The following SPATA22 variants were observed in gnomAD, a reference collection of about 807,000 sequenced individuals.
SPATA22 encodes spermatogenesis-associated protein 22.
SPATA22 carries 29 observed loss-of-function variants against 47.8 expected under a neutral mutation model. The observed-to-expected ratio is 0.61, with a 90% confidence interval of 0.45 to 0.83. The LOEUF (loss-of-function observed/expected upper bound fraction) is 0.83. SPATA22 is among the 40% of genes least tolerant of loss of function. The pLI, the probability that SPATA22 is intolerant of heterozygous loss-of-function variation, is 0.00. For synonymous variants in SPATA22, 133 were observed against 140.9 expected, an observed-to-expected ratio of 0.94 and a Z score of 0.40; for missense variants, 410 against 421.7, an observed-to-expected ratio of 0.97 and a Z score of 0.24.
At chr17:3,491,151 T>C (rs2073817914) in intron 1 of SPATA22, among the ~76,000 whole-genome samples, 1 of 152,158 alleles carries the variant, frequency 6.6e-6, no homozygotes, top group East Asian at 1.9e-4. Flanking sequence ...AAGTGACAGG[T>C]CTCAGGAAGA....
At chr17:3,492,007 G>T (rs1292666796) in intron 1 of SPATA22, among the ~76,000 whole-genome samples, 1 of 150,348 alleles carries the variant, frequency 6.7e-6, no homozygotes, top group Non-Finnish European at 1.5e-5. Context: ...CTCCTGAGTT[G>T]CTGGGACTAC....
intron 5 of SPATA22, among the ~76,000 whole-genome samples, chr17:3,454,785 C>T (rs2072947177): frequency 6.6e-6 from 1 of 152,068 alleles, no homozygotes; most frequent in African/African-American, 2.4e-5. Flanking sequence ...TTTATAGCAG[C>T]ATGATTTATA....
In SPATA22 at chr17:3,440,281, C is replaced by G. The variant is rs746124520; in HGVS notation, c.958G>C (p.Asp320His). Residue 320 changes from aspartate (D) to histidine (H), a missense_variant, in exon 9 of 9, where the codon GAC (aspartate) becomes CAC (histidine). By Grantham distance (81) the Asp-to-His change is moderately conservative. Coordinates refer to ENST00000572969, the MANE Select transcript of SPATA22 (RefSeq NM_001170698.2). Reference protein sequence around the residue: ...GRVHRCVGNYDQKKNIFQCVS... With the variant: ...GRVHRCVGNYHQKKNIFQCVS... ...CATTGGAAAATGTTCTTTTTCTGGTCATAGTTGCCAACACATCTATGAACT... is the reference window on the plus strand; with the variant it reads ...CATTGGAAAATGTTCTTTTTCTGGTGATAGTTGCCAACACATCTATGAACT... 4 of 1,609,944 alleles carry G rather than the reference C, an allele frequency of 2.5e-6. No homozygotes were observed. In the South Asian group the frequency reaches 4.4e-5, roughly 18 times the overall value.
intron 1 of SPATA22, chr17:3,512,225 C>T (rs965318644): frequency 1.3e-5 from 2 of 152,302 alleles, no homozygotes; most frequent in African/African-American, 4.8e-5. Context: ...ATCTTCTCTT[C>T]TCCAGAGGCC....
At chr17:3,447,449 T>TTA (rs200408187) in intron 6 of SPATA22, among the ~76,000 whole-genome samples, 1 of 97,040 alleles carries the variant, frequency 1.0e-5, no homozygotes, top group Non-Finnish European at 2.8e-5. Flanking sequence ...ATGCCTCCTG[T>TTA]TGATGATGGC....
chr17:3,464,923 C>T lies in SPATA22; in HGVS notation c.173-2156G>A, dbSNP rs2073250523. ...TCAGCCCCCCACCCGGCCAGCCGCCCGGTCTGGGAGGTGAGGGGCGCCTCT... is the reference window on the plus strand; with the variant it reads ...TCAGCCCCCCACCCGGCCAGCCGCCTGGTCTGGGAGGTGAGGGGCGCCTCT... On this transcript the variant is annotated intron_variant, in intron 3 of 8. Coordinates refer to ENST00000572969, the MANE Select transcript of SPATA22 (RefSeq NM_001170698.2). Among the ~76,000 whole-genome samples the T allele has an allele frequency of 3.0e-5, 3 of 101,248 alleles. 1 individual carries two copies. The highest frequency in any genetic ancestry group is 8.9e-5 in the African/African-American group (3 of 33,848). The allele number at this position is 101,248 out of a possible 152,430, so 66.4% of individuals were successfully genotyped here. A position where few individuals can be genotyped will look rare whatever the true frequency, so the allele number is the denominator to read the frequency against.
intron 1 of SPATA22, among the ~76,000 whole-genome samples, chr17:3,505,992 A>G (rs571565796): frequency 6.6e-6 from 1 of 152,238 alleles, no homozygotes; most frequent in South Asian, 2.1e-4. Context: ...TCCTGACCTC[A>G]GGTGATCCGC....
chr17:3,473,121 A>C (rs954258721), upstream of SPATA22, among the ~76,000 whole-genome samples: 4 of 151,800 alleles, frequency 2.6e-5, no homozygotes, highest in South Asian at 2.1e-4. Context: ...AAAAAAAAAA[A>C]AAAAAACCAC....
At chr17:3,454,286 ATTTATTTATTTATTTTTAT>A (rs1316867747) in intron 5 of SPATA22, among the ~76,000 whole-genome samples, 1 of 147,046 alleles carries the variant, frequency 6.8e-6, no homozygotes, top group East Asian at 1.9e-4. Flanking sequence ...TTTTTGTTTT[ATTTATTTATTTATTTTTAT>A]TATTATTATT....
chr17:3,475,453 C>A (rs1597421348), upstream of SPATA22: 1 of 152,264 alleles, frequency 6.6e-6, no homozygotes, highest in African/African-American at 2.4e-5. Context: ...TAAGTTAACA[C>A]AGAATTACCA....
At chr17:3,446,638 A>G in intron 6 of SPATA22, 37 bp from the exon 7 acceptor site, 1 of 1,446,008 alleles carries the variant, frequency 6.9e-7, no homozygotes, top group Non-Finnish European at 9.3e-7. Flanking sequence ...TTAGAAAAAT[A>G]TTTGTTTTTT....
chr17:3,497,616 A>G (rs1159654340), intron 1 of SPATA22, among the ~76,000 whole-genome samples: 1 of 152,178 alleles, frequency 6.6e-6, no homozygotes, highest in Non-Finnish European at 1.5e-5. Flanking sequence ...ACCTGTATAT[A>G]TGTATTTAAC....
intron 5 of SPATA22, among the ~76,000 whole-genome samples, chr17:3,450,766 A>G (rs951789907): frequency 6.6e-6 from 1 of 152,232 alleles, no homozygotes; most frequent in African/African-American, 2.4e-5. Context: ...TGTTCAGCAC[A>G]TTTGTAGTAA....
At chr17:3,449,197 T>C in intron 5 of SPATA22, 48 bp from the exon 6 acceptor site, 1 of 1,344,016 alleles carries the variant, frequency 7.4e-7, no homozygotes, top group Non-Finnish European at 1.0e-6. Flanking sequence ...GGTTTCTTAA[T>C]TACAAAAAAA....
chr17:3,462,709 G>A lies in SPATA22; in HGVS notation c.231C>T (p.Thr77=), dbSNP rs755124409. The A allele has an allele frequency of 3.8e-5, 61 of 1,611,258 alleles. No homozygotes were observed. The highest frequency in any genetic ancestry group is 1.6e-4 in the Middle Eastern group (1 of 6,078). The change falls in exon 4 of 9, where the codon ACC becomes ACT. Residue 77 remains threonine (T), a splice_region_variant and synonymous_variant. Transcript: ENST00000572969. ...ELAPVMKTVD[T]GQIPHSVSRP... is the part of the protein sequence containing the mutation. ...ATGGTTTATATTTCTCCACATACCC[G>A]GTGTCCACTGTTTTCATTACAGGAG...
rs1233520171 is a variant in SPATA22 at position 3,488,381 on chromosome 17, G to C, written c.-73-18983C>G. Among the ~76,000 whole-genome samples, 1 of 152,202 alleles carries C rather than the reference G, an allele frequency of 6.6e-6. No homozygotes were observed. Among genetic ancestry groups the C allele is most frequent in the African/African-American group, 2.4e-5 (1 of 41,448 alleles). ...CTGCATAAAATTAAAACCAGGCCAA[G>C]CACGACGGCTCACGCCTGTAATCCC... On this transcript the variant is annotated intron_variant, in intron 1 of 8. Coordinates refer to the SPATA22 transcript ENST00000541913. This position sits in a 1 kb window ranked among gnomAD's most constrained non-coding sequence, Gnocchi z 6.1.
Position 3,462,630 on chromosome 17 carries a change from G to A in SPATA22, c.234-52C>T, listed in dbSNP as rs2073150899. On this transcript the variant is annotated intron_variant, in intron 4 of 8. Coordinates refer to ENST00000572969, the MANE Select transcript of SPATA22 (RefSeq NM_001170698.2). Reference sequence around the variant, plus strand: ...TATTAATAGTTTGCTTTCAAATTGAGAAATTAAGATATACGTAGAAGAACA... The same window carrying A: ...TATTAATAGTTTGCTTTCAAATTGAAAAATTAAGATATACGTAGAAGAACA... The A allele has an allele frequency of 5.0e-6, 8 of 1,587,658 alleles. No individual in the cohort carries two copies. The East Asian group carries it at 1.6e-4, about 31-fold the overall frequency.
At chr17:3,484,351 T>C (rs9910285) in intron 1 of SPATA22, among the ~76,000 whole-genome samples, 42,314 of 151,952 alleles carry the variant, frequency 0.28, 6,394 homozygotes, top group East Asian at 0.57. Flanking sequence ...GCTTCGTATG[T>C]GATGAGAAAA....
chr17:3,465,276 T>C (rs1237078118), intron 3 of SPATA22, among the ~76,000 whole-genome samples: 1 of 150,342 alleles, frequency 6.7e-6, no homozygotes, highest in East Asian at 2.0e-4. Flanking sequence ...GTCTGGGAGG[T>C]GTGCCCAACA....
Sources: allele counts gnomAD v4.1 joint callset (sites outside exome capture counted in the v4.1 genomes callset), GRCh38; gene constraint gnomAD v4.1.1; non-coding constraint Gnocchi (gnomAD v3.1); transcripts MANE v1.5; gene names NCBI Gene and HGNC (gene_info 2026-07-23, HGNC 2026-07-21).